The following PVR variants were observed in gnomAD, a reference collection of about 807,000 sequenced individuals.
The protein encoded by PVR is poliovirus receptor.
A neutral mutation model predicts 43.3 loss-of-function variants in PVR; 39 were observed. That is an observed-to-expected ratio of 0.90 (90% CI 0.70 to 1.18). The LOEUF (loss-of-function observed/expected upper bound fraction) is 1.18, where lower values mean the gene tolerates loss of function less well. Among genes scored for constraint, PVR ranks in the 50% most tolerant of loss-of-function variants. The pLI is 0.00. For synonymous variants in PVR, 224 were observed against 233.2 expected, an observed-to-expected ratio of 0.96 and a Z score of 0.36; for missense variants, 480 against 549.7, an observed-to-expected ratio of 0.87 and a Z score of 1.27.
chr19:44,658,253 T>G (rs1973505810), intron 5 of PVR, among the ~76,000 whole-genome samples: 1 of 152,216 alleles, frequency 6.6e-6, no homozygotes, highest in Non-Finnish European at 1.5e-5. Flanking sequence ...CAGGACTTTA[T>G]TGAAAATTCA....
At chr19:44,652,143 A>G (rs1973298531) in intron 3 of PVR, among the ~76,000 whole-genome samples, 1 of 152,214 alleles carries the variant, frequency 6.6e-6, no homozygotes, top group South Asian at 2.1e-4. Context: ...GCAGCAGAGC[A>G]AAACTCCATC....
intron 4 of PVR, among the ~76,000 whole-genome samples, chr19:44,657,554 C>T (rs1973482089): frequency 6.6e-6 from 1 of 152,132 alleles, no homozygotes; most frequent in African/African-American, 2.4e-5. Flanking sequence ...AGGTGGGATT[C>T]TGGATGGATC....
intron 2 of PVR, 110 bp from the exon 3 acceptor site, chr19:44,649,699 G>C: frequency 8.2e-7 from 1 of 1,213,132 alleles, no homozygotes; most frequent in Non-Finnish European, 1.2e-6. Context: ...GGGATTATAG[G>C]CGTGAGCCAC....
At chr19:44,647,077 T>TCCCCCC in intron 1 of PVR, 146 bp from the exon 2 acceptor site, 1 of 311,374 alleles carries the variant, frequency 3.2e-6, no homozygotes, top group South Asian at 5.9e-5. Flanking sequence ...GTGCCCCAGT[T>TCCCCCC]CCCCCTCCCC....
chr19:44,660,214 A>G (rs1218368577), intron 6 of PVR, among the ~76,000 whole-genome samples: 1 of 152,144 alleles, frequency 6.6e-6, no homozygotes, highest in East Asian at 1.9e-4. Flanking sequence ...TAAAAGAGGC[A>G]CTCGAGGAAG....
rs944031502 is a variant in PVR, at chr19:44,657,629, G to C, written c.843-133G>C. 8 of 801,932 alleles carry C rather than the reference G, an allele frequency of 1.0e-5. No individual in the cohort carries two copies. In the African/African-American group the frequency reaches 1.2e-4, roughly 12 times the overall value. The allele number at this position is 801,932 out of a possible 1,614,324, so 49.7% of individuals were successfully genotyped here. On this transcript the variant is annotated intron_variant, in intron 4 of 7. Transcript: ENST00000425690. ...TGGGCATGAGAGGAAGGGAAGAGTT[G>C]GGGGGCCTCCAGAGTTGCTCTCCGC...
At position 44,647,426 on chromosome 19, in the gene PVR, G is replaced by C. The variant is rs1244066731; in HGVS notation, c.283G>C (p.Val95Leu). 1.2e-6 allele frequency: 2 copies of C among 1,614,054 alleles called. No individual in the cohort carries two copies. The highest frequency in any genetic ancestry group is 1.1e-5 in the South Asian group (1 of 91,068). The change falls in exon 2 of 8, where the codon GTG (valine) becomes CTG (leucine). Residue 95 changes from valine (V) to leucine (L), a missense_variant. Transcript: ENST00000425690. ...TTCGGAGTCCAAACGGCTGGAATTC[G>C]TGGCAGCCAGACTGGGCGCGGAGCT... The part of the protein sequence containing the change: ...SYSESKRLEF[V>L]AARLGAELRN...
chr19:44,655,301 C>G (rs1973411427), intron 4 of PVR, among the ~76,000 whole-genome samples: 1 of 152,182 alleles, frequency 6.6e-6, no homozygotes, highest in South Asian at 2.1e-4. Context: ...ATTGCCCAGG[C>G]TGGTCTGCAA....
chr19:44,644,162 A>AC lies in PVR; in HGVS notation c.71dup (p.Gly25ArgfsTer47). On this transcript the variant is annotated frameshift_variant, in exon 1 of 8. Coordinates refer to ENST00000425690, the MANE Select transcript of PVR (RefSeq NM_006505.5). LOFTEE classifies it high-confidence loss of function. ...TGGCGCTACTGGTGCTGTCCTGGCC[A>AC]CCCCCAGGAACCGGTGAGTGACCCC... 1 of 1,503,920 alleles carries AC rather than the reference A, an allele frequency of 6.6e-7. No individual in the cohort carries two copies. Among genetic ancestry groups the AC allele is most frequent in the Non-Finnish European group, 8.8e-7 (1 of 1,132,134 alleles). 93.2% of individuals were successfully genotyped at this position (1,503,920 alleles called of 1,614,324 possible). A position where few individuals can be genotyped will look rare whatever the true frequency, so the allele number is the denominator to read the frequency against.
At chr19:44,659,686 T>C (rs1478850053) in intron 6 of PVR, among the ~76,000 whole-genome samples, 1 of 152,058 alleles carries the variant, frequency 6.6e-6, no homozygotes, top group East Asian at 1.9e-4. Flanking sequence ...TTCGCCATGT[T>C]GGCCAGGCTG....
At chr19:44,658,509 CA>C (rs1288209753) in intron 5 of PVR, among the ~76,000 whole-genome samples, 3 of 152,210 alleles carry the variant, frequency 2.0e-5, no homozygotes, top group Non-Finnish European at 4.4e-5. Context: ...GCTTAGGCCA[CA>C]GCCCACCTAT....
chr19:44,661,745 C>T lies in PVR; in HGVS notation c.1188C>T (p.Val396=), dbSNP rs146602039. 1.7e-4 allele frequency: 267 copies of T among 1,613,872 alleles called. No homozygotes were observed. Among genetic ancestry groups the T allele is most frequent in the Non-Finnish European group, 2.2e-4 (257 of 1,179,934 alleles). The change falls in exon 8 of 8, where the codon GTC becomes GTT. Residue 396 remains valine (V), a synonymous_variant. Transcript: ENST00000425690. The part of the protein sequence containing the change: ...EHASASANGH[V]SYSAVSRENS... ...ATTTGAAAACCCTCTTCTAGCATGT[C>T]TCCTATTCAGCTGTGAGCAGAGAGA...
intron 3 of PVR, chr19:44,653,654 G>A (rs1380156238): frequency 9.1e-6 from 4 of 440,714 alleles, no homozygotes; most frequent in Non-Finnish European, 1.7e-5. Flanking sequence ...CCTGGTCCAG[G>A]CTACCCAGGA....
At chr19:44,655,679 A>C (rs1973424395) in intron 4 of PVR, among the ~76,000 whole-genome samples, 1 of 152,162 alleles carries the variant, frequency 6.6e-6, no homozygotes, top group African/African-American at 2.4e-5. Context: ...ACGTTGTATT[A>C]GGAAGACTGT....
At chr19:44,649,680 C>A in intron 2 of PVR, 129 bp from the exon 3 acceptor site, 2 of 988,664 alleles carry the variant, frequency 2.0e-6, no homozygotes, top group Non-Finnish European at 3.0e-6. Flanking sequence ...CTCAGCCCCC[C>A]AAAGTTCTGG....
intron 1 of PVR, among the ~76,000 whole-genome samples, chr19:44,644,607 G>T (rs1243666988): frequency 6.6e-6 from 1 of 152,070 alleles, no homozygotes; most frequent in Non-Finnish European, 1.5e-5. Flanking sequence ...GGTCTGGACG[G>T]AGGGGATGGT....
At chr19:44,657,942 A>G in intron 5 of PVR, 32 bp downstream of exon 5, 2 of 1,609,222 alleles carry the variant, frequency 1.2e-6, no homozygotes, top group Non-Finnish European at 1.7e-6. Context: ...AAGAACAGGG[A>G]CCAAAGGAAG....
intron 6 of PVR, among the ~76,000 whole-genome samples, chr19:44,660,599 T>G (rs1973566844): frequency 6.6e-6 from 1 of 152,158 alleles, no homozygotes; most frequent in African/African-American, 2.4e-5. Context: ...CTTGGCTCAC[T>G]GCAGCCTCAA....
intron 6 of PVR, among the ~76,000 whole-genome samples, chr19:44,660,471 T>A (rs981163195): frequency 1.1e-4 from 17 of 151,910 alleles, no homozygotes; most frequent in African/African-American, 4.1e-4. Context: ...ATTATTACTA[T>A]TATTGTTATT....
Sources: allele counts gnomAD v4.1 joint callset (sites outside exome capture counted in the v4.1 genomes callset), GRCh38; gene constraint gnomAD v4.1.1; transcripts MANE v1.5; gene names NCBI Gene and HGNC (gene_info 2026-07-23, HGNC 2026-07-21).